Variants in ERCC6 observed in about 807,000 individuals in gnomAD.
ERCC6 encodes the protein DNA excision repair protein ERCC-6.
A neutral mutation model predicts 158.7 loss-of-function variants in ERCC6; 116 were observed. The ratio of observed to expected loss-of-function variants is 0.73; its 90% CI spans 0.63 to 0.85. ERCC6 has a LOEUF of 0.85. Among genes scored for constraint, ERCC6 ranks in the 40% least tolerant of loss-of-function variants. ERCC6 has a pLI of 0.00. For missense variants in ERCC6, 1,698 were observed against 1,799.4 expected, an observed-to-expected ratio of 0.94 and a Z score of 1.02; for synonymous variants, 678 against 659.3, an observed-to-expected ratio of 1.03 and a Z score of -0.43.
chr10:49,524,684 C>A lies in ERCC6; in HGVS notation c.746G>T (p.Gly249Val), dbSNP rs780509183. 4.3e-6 allele frequency: 7 copies of A among 1,612,744 alleles called. No individual in the cohort carries two copies. Among genetic ancestry groups the A allele is most frequent in the East Asian group, 2.2e-5 (1 of 44,888 alleles). ...LIRTGQMTPF[G>V]TQIPQKQEKK... is the part of the protein sequence containing the mutation. ...CTCCTGTTTCTGAGGGATCTGGGTA[C>A]CAAAAGGTGTCATCTGGCCAGTGCG... Residue 249 changes from glycine (G) to valine (V), a missense_variant, in exon 5 of 21, where the codon GGT becomes GTT. Physicochemically the swap from Gly to Val is moderately radical, Grantham distance 109. Transcript: ENST00000355832.
chr10:49,473,063 C>T (rs1850810360), intron 14 of ERCC6, 35 bp from the exon 15 acceptor site: 1 of 1,613,810 alleles, frequency 6.2e-7, no homozygotes, highest in Non-Finnish European at 8.5e-7. Context: ...AGCACACACA[C>T]TTAAGACCAG....
rs1444648908 is a variant in ERCC6 at position 49,460,451 on chromosome 10, C to A, written c.3984G>T (p.Lys1328Asn). The A allele has an allele frequency of 6.2e-7, 1 of 1,606,168 alleles. No homozygotes were observed. Residue 1328 changes from lysine to asparagine, a missense_variant and splice_region_variant, in exon 20 of 21, where the codon AAG becomes AAT. By Grantham distance (94) the Lys-to-Asn change is moderately conservative. Coordinates refer to ENST00000355832, the MANE Select transcript of ERCC6 (RefSeq NM_000124.4). ...RGISGAPAGKKSRFGKKRNSN... is the reference protein window; with the variant it reads ...RGISGAPAGKNSRFGKKRNSN... ...AATTCCTTTTCTTACCAAATCTACT[C>A]CTAAAAAAGGAAAAGCATCACAGTA...
intron 5 of ERCC6, chr10:49,516,878 T>C: frequency 1.2e-6 from 2 of 1,614,184 alleles, no homozygotes; most frequent in Non-Finnish European, 8.5e-7. Context: ...TAGGTGCGTA[T>C]GAGGGATCAT....
the ERCC6 span, among the ~76,000 whole-genome samples, chr10:49,447,582 T>C: frequency 6.6e-6 from 1 of 151,786 alleles, no homozygotes; most frequent in Non-Finnish European, 1.5e-5. Flanking sequence ...TCCCAGCTAC[T>C]TGGGAGGCTG....
chr10:49,441,245 T>C, the ERCC6 span, among the ~76,000 whole-genome samples: 137,994 of 152,292 alleles, frequency 0.91, 62,578 homozygotes, highest in East Asian at 1. Flanking sequence ...CAATGTACTG[T>C]TTTCAAAGTA....
At chr10:49,461,283 T>C in intron 19 of ERCC6, 69 bp downstream of exon 19, 1 of 1,485,240 alleles carries the variant, frequency 6.7e-7, no homozygotes, top group Non-Finnish European at 9.4e-7. Context: ...CCTCCACACC[T>C]GCCCTGATTT....
chr10:49,486,724 C>A (rs1167112259), intron 8 of ERCC6, among the ~76,000 whole-genome samples: 2 of 152,250 alleles, frequency 1.3e-5, no homozygotes, highest in Non-Finnish European at 1.5e-5. Flanking sequence ...CAATACTGAA[C>A]AATGTGAAAA....
rs769850417 is a variant in ERCC6, at chr10:49,530,783, T to A, written c.480A>T (p.Gln160His). 4.7e-5 allele frequency: 76 copies of A among 1,613,764 alleles called. No homozygotes were observed. The highest frequency in any genetic ancestry group is 6.2e-5 in the Non-Finnish European group (73 of 1,179,906). ...TGTTGATGTCTCTGCTGGTGGCAGC[T>A]TGAGGGCTAAGCTGTTCAATAATTT... is the stretch of plus-strand genomic sequence containing the variant. ...INKIIEQLSP[Q>H]AATSRDINRK... Residue 160 changes from glutamine (Q) to histidine (H), a missense_variant, in exon 3 of 21, where the codon CAA (glutamine) becomes CAT (histidine). Physicochemically the swap from Gln to His is conservative, Grantham distance 24. Coordinates refer to ENST00000355832, the MANE Select transcript of ERCC6 (RefSeq NM_000124.4).
chr10:49,505,942 C>G lies in ERCC6; in HGVS notation c.1468G>C (p.Asp490His), dbSNP rs1232031848. The G allele has an allele frequency of 6.2e-7, 1 of 1,613,392 alleles. No individual in the cohort carries two copies. Among genetic ancestry groups the G allele is most frequent in the African/African-American group, 1.3e-5 (1 of 74,878 alleles). ...LKLEDDSEES[D>H]AEFDEGFKVP... is the part of the protein sequence containing the mutation. ...TTAAAACCTTCGTCAAATTCAGCAT[C>G]ACTTTCCTCAGAATCGTCCTCCAGC... is the stretch of plus-strand genomic sequence containing the variant. The change falls in exon 6 of 21, where the codon GAT (aspartate) becomes CAT (histidine). Residue 490 changes from aspartate to histidine, a missense_variant. Asp to His is a moderately conservative substitution (Grantham distance 81). Transcript: ENST00000355832.
chr10:49,449,611 C>T (rs1850396563), downstream of ERCC6, among the ~76,000 whole-genome samples: 1 of 128,488 alleles, frequency 7.8e-6, no homozygotes, highest in Admixed American at 9.4e-5. Flanking sequence ...CTCTGTCACC[C>T]AGGCTGGAAC....
chr10:49,527,346 G>C (rs1837364139), intron 4 of ERCC6, among the ~76,000 whole-genome samples: 1 of 152,156 alleles, frequency 6.6e-6, no homozygotes, highest in Non-Finnish European at 1.5e-5. Context: ...ACTGGTCATA[G>C]GCCTAATGAA....
chr10:49,532,500 GT>G, intron 2 of ERCC6, 42 bp downstream of exon 2: 1 of 1,609,390 alleles, frequency 6.2e-7, no homozygotes, highest in Non-Finnish European at 8.5e-7. Flanking sequence ...TCCCTGTCAT[GT>G]TTTACCACCA....
chr10:49,479,194 C>CA (rs756924830), intron 10 of ERCC6, among the ~76,000 whole-genome samples: 1 of 151,170 alleles, frequency 6.6e-6, no homozygotes, highest in Non-Finnish European at 1.5e-5. Flanking sequence ...ATTGCTACTT[C>CA]AAAAAAAATC....
At position 49,483,448 on chromosome 10, in the gene ERCC6, C is replaced by T. The variant is rs2132552647; in HGVS notation, c.1890G>A (p.Leu630=). The T allele has an allele frequency of 1.9e-6, 3 of 1,613,886 alleles. No individual in the cohort carries two copies. Among genetic ancestry groups the T allele is most frequent in the Non-Finnish European group, 2.5e-6 (3 of 1,179,768 alleles). The change falls in exon 9 of 21, where the codon TTG becomes TTA. Residue 630 remains leucine (L), a synonymous_variant. Coordinates refer to ENST00000355832, the MANE Select transcript of ERCC6 (RefSeq NM_000124.4). ...ILITSYSYIR[L]MQDDISRYDW... ...CATACCTGCTAATGTCATCCTGCAT[C>T]AATCGAATGTAGGAGTAAGATGTGA...
Position 49,472,935 on chromosome 10 carries a change from C to A in ERCC6, c.2803G>T (p.Asp935Tyr). 1 of 1,614,018 alleles carries A rather than the reference C, an allele frequency of 6.2e-7. No homozygotes were observed. Among genetic ancestry groups the A allele is most frequent in the Non-Finnish European group, 8.5e-7 (1 of 1,179,946 alleles). ...TGCGTGTCCGTGCTTGGGTTCCAGT[C>A]TGGGTCATAGATGACAACTCTGTTT... ...GANRVVIYDPDWNPSTDTQAR... is the reference protein window; with the variant it reads ...GANRVVIYDPYWNPSTDTQAR... The change falls in exon 15 of 21, where the codon GAC (aspartate) becomes TAC (tyrosine). Residue 935 changes from aspartate to tyrosine, a missense_variant. By Grantham distance (160) the Asp-to-Tyr change is radical (BLOSUM62 -3). Coordinates refer to ENST00000355832, the MANE Select transcript of ERCC6 (RefSeq NM_000124.4).
chr10:49,497,974 A>T (rs907275462), intron 7 of ERCC6, among the ~76,000 whole-genome samples: 1 of 152,242 alleles, frequency 6.6e-6, no homozygotes, highest in Admixed American at 6.5e-5. Context: ...GACTTTAAAA[A>T]ATTAACTGAG....
At chr10:49,487,123 ATG>A (rs1851091057) in intron 8 of ERCC6, among the ~76,000 whole-genome samples, 1 of 152,236 alleles carries the variant, frequency 6.6e-6, no homozygotes, top group African/African-American at 2.4e-5. Context: ...TAGGATTAAA[ATG>A]TGTTTTAATT....
chr10:49,483,613 T>C, intron 8 of ERCC6, 97 bp from the exon 9 acceptor site: 1 of 1,218,094 alleles, frequency 8.2e-7, no homozygotes, highest in Non-Finnish European at 1.2e-6. Flanking sequence ...AATGCACAAA[T>C]ACAAACATAA....
downstream of ERCC6, among the ~76,000 whole-genome samples, chr10:49,450,032 C>T (rs762814180): frequency 4.3e-4 from 66 of 152,188 alleles, no homozygotes; most frequent in Non-Finnish European, 7.4e-4. Context: ...ATGACCATGA[C>T]CAGCTAACTT....
Sources: allele counts gnomAD v4.1 joint callset (sites outside exome capture counted in the v4.1 genomes callset), GRCh38; gene constraint gnomAD v4.1.1; transcripts MANE v1.5; gene names NCBI Gene and HGNC (gene_info 2026-07-23, HGNC 2026-07-21).